RIOK3: variants seen among roughly 807,000 people sequenced by gnomAD.
RIOK3 encodes serine/threonine-protein kinase RIO3.
A neutral mutation model predicts 63.5 loss-of-function variants in RIOK3; 40 were observed. The ratio of observed to expected loss-of-function variants is 0.63; its 90% confidence interval spans 0.49 to 0.82. The LOEUF is 0.82. RIOK3 is among the 40% of genes least tolerant of loss of function. The probability of loss-of-function intolerance (pLI) is 0.00; values close to 1 mark genes in which losing one functional copy is unlikely to be tolerated. For missense variants in RIOK3, 557 were observed against 637.0 expected (o/e 0.87, Z 1.35); for synonymous variants, 193 against 205.0 (o/e 0.94, Z 0.50).
At position 23,481,033 on chromosome 18, in the gene RIOK3, T is replaced by C. The variant is rs537199026; in HGVS notation, c.1453-139T>C. ...AGGCAGAGGTTGCAGTGAGCCGAGA[T>C]TGCACCACTGCACTCCAGCCTGGAC... On this transcript the variant is annotated intron_variant, in intron 12 of 12. Transcript: ENST00000339486. The C allele has an allele frequency of 3.5e-5, 21 of 604,616 alleles. No homozygotes were observed. The East Asian group carries it at 5.7e-4, about 16-fold the overall frequency. The allele number at this position is 604,616 out of a possible 1,614,324, so 37.5% of individuals were successfully genotyped here. A position where few individuals can be genotyped will look rare whatever the true frequency, so the allele number is the denominator to read the frequency against.
At chr18:23,475,332 G>A (rs190769761) in intron 9 of RIOK3, among the ~76,000 whole-genome samples, 96 of 151,856 alleles carry the variant, frequency 6.3e-4, no homozygotes, top group Admixed American at 2.5e-3. Flanking sequence ...TTAGCTGGGC[G>A]TGTGCCTGTA....
intron 1 of RIOK3, among the ~76,000 whole-genome samples, chr18:23,457,676 T>A (rs893532469): frequency 3.3e-5 from 5 of 152,170 alleles, no homozygotes; most frequent in Non-Finnish European, 5.9e-5. Context: ...ACCAAAAAAA[T>A]TTTAAAAAAT....
At chr18:23,476,662 A>T (rs1277016824) in intron 9 of RIOK3, among the ~76,000 whole-genome samples, 1 of 152,094 alleles carries the variant, frequency 6.6e-6, no homozygotes, top group Non-Finnish European at 1.5e-5. Context: ...TAATCCCAGC[A>T]CTCTGGGAGG....
chr18:23,482,778 A>G lies in RIOK3; in HGVS notation c.*1499A>G, dbSNP rs890200440. Reference sequence around the variant, plus strand: ...AAGTAAAAATCTAGACATCATTTACATTTGAGAAAGCTGTTTTTAACATTA... The same window carrying G: ...AAGTAAAAATCTAGACATCATTTACGTTTGAGAAAGCTGTTTTTAACATTA... On this transcript the variant is annotated 3_prime_UTR_variant, in exon 13 of 13. Transcript: ENST00000339486. The G allele has an allele frequency of 2.0e-5, 3 of 152,204 alleles. No individual in the cohort carries two copies. The highest frequency in any genetic ancestry group is 7.2e-5 in the African/African-American group (3 of 41,456). The allele number at this position is 152,204 out of a possible 1,614,324, so 9.4% of individuals were successfully genotyped here. A position where few individuals can be genotyped will look rare whatever the true frequency, so the allele number is the denominator to read the frequency against.
chr18:23,473,712 AT>A, intron 8 of RIOK3, 86 bp downstream of exon 8: 1 of 992,602 alleles, frequency 1.0e-6, no homozygotes, highest in Non-Finnish European at 1.5e-6. Flanking sequence ...TTTTACATTC[AT>A]TTATAGAAAT....
chr18:23,467,014 TAA>T (rs199686879), intron 6 of RIOK3, among the ~76,000 whole-genome samples: 1 of 140,748 alleles, frequency 7.1e-6, no homozygotes. Context: ...TCTCTGTCTC[TAA>T]AAAAAAAAAA....
chr18:23,458,955 C>G (rs1401202340), intron 1 of RIOK3, among the ~76,000 whole-genome samples: 2 of 152,168 alleles, frequency 1.3e-5, no homozygotes, highest in African/African-American at 4.8e-5. Flanking sequence ...TTACCTCACC[C>G]AAGGAAGTTG....
At chr18:23,457,639 GT>G (rs1210012808) in intron 1 of RIOK3, among the ~76,000 whole-genome samples, 1 of 152,098 alleles carries the variant, frequency 6.6e-6, no homozygotes, top group African/African-American at 2.4e-5. Flanking sequence ...TTTTTTTCTA[GT>G]TTTTTAAAAG....
intron 11 of RIOK3, among the ~76,000 whole-genome samples, chr18:23,478,499 G>A (rs1355935853): frequency 6.6e-6 from 1 of 151,806 alleles, no homozygotes; most frequent in Non-Finnish European, 1.5e-5. Flanking sequence ...GGCTGAGGCA[G>A]GAGGATTGTT....
At chr18:23,462,896 A>G (rs2057380826) in intron 1 of RIOK3, 68 bp from the exon 2 acceptor site, 1 of 675,612 alleles carries the variant, frequency 1.5e-6, no homozygotes, top group South Asian at 3.0e-5. Context: ...ATATAACATT[A>G]TTTGTAAAAT....
chr18:23,454,092 A>G (rs2057322765), intron 1 of RIOK3, among the ~76,000 whole-genome samples: 1 of 152,246 alleles, frequency 6.6e-6, no homozygotes, highest in Admixed American at 6.5e-5. Flanking sequence ...TAGAGTGGCA[A>G]ACTAAAGACC....
chr18:23,479,183 C>G, intron 11 of RIOK3, 134 bp from the exon 12 acceptor site: 2 of 524,204 alleles, frequency 3.8e-6, no homozygotes, highest in African/African-American at 1.9e-5. Context: ...GTTGAAATTA[C>G]TGTGTGTGTG....
rs745400720 is a variant in RIOK3, at chr18:23,473,531, T to C, written c.918T>C (p.Ile306=). Residue 306 remains isoleucine, a synonymous_variant, in exon 8 of 13, where the codon ATT becomes ATC. Transcript: ENST00000339486. ...AATTTAAGAATCGTGACAAATATATTAAAGATGATTTCAGGTTTAAAGATC... is the reference window on the plus strand; with the variant it reads ...AATTTAAGAATCGTGACAAATATATCAAAGATGATTTCAGGTTTAAAGATC... ...LNEFKNRDKY[I]KDDFRFKDRF... is the part of the protein sequence containing the mutation. 2 of 1,613,144 alleles carry C rather than the reference T, an allele frequency of 1.2e-6. No homozygotes were observed. The highest frequency in any genetic ancestry group is 2.2e-5 in the South Asian group (2 of 91,020).
At position 23,473,543 on chromosome 18, in the gene RIOK3, C is replaced by A; in HGVS notation, c.930C>A (p.Phe310Leu). Residue 310 changes from phenylalanine (F) to leucine (L), a missense_variant, in exon 8 of 13, where the codon TTC becomes TTA. Around this residue, in one of 3 missense-constraint regions of RIOK3, gnomAD observed 309 missense variants for 338.7 expected, o/e 0.91. Transcript: ENST00000339486. ...GTGACAAATATATTAAAGATGATTT[C>A]AGGTTTAAAGATCGCTTCAGTAAAC... ...KNRDKYIKDD[F>L]RFKDRFSKLN... The A allele has an allele frequency of 6.2e-7, 1 of 1,613,444 alleles. No homozygotes were observed. Among genetic ancestry groups the A allele is most frequent in the South Asian group, 1.1e-5 (1 of 91,034 alleles).
At chr18:23,477,895 C>T (rs1358529042) in intron 11 of RIOK3, among the ~76,000 whole-genome samples, 1 of 151,366 alleles carries the variant, frequency 6.6e-6, no homozygotes, top group Non-Finnish European at 1.5e-5. Flanking sequence ...CATGGTGAAA[C>T]GCTGTCTGTA....
intron 1 of RIOK3, among the ~76,000 whole-genome samples, chr18:23,462,420 C>A (rs558492735): frequency 2.0e-5 from 3 of 152,172 alleles, no homozygotes; most frequent in Non-Finnish European, 4.4e-5. Context: ...GGATTACAGG[C>A]GCGCGCCACC....
intron 2 of RIOK3, among the ~76,000 whole-genome samples, chr18:23,463,725 A>G (rs17187071): frequency 0.043 from 6,548 of 152,210 alleles, 218 homozygotes; most frequent in South Asian, 0.17. Flanking sequence ...TTTCATTCAG[A>G]ACAAATGAAT....
rs181049286 is a variant in RIOK3, at chr18:23,477,468, A to G, written c.1344+200A>G. On this transcript the variant is annotated intron_variant, in intron 11 of 12. Transcript: ENST00000339486. ...TGATTCCATGTCTTACAGTTGGGTA[A>G]AATGTTCAAGGGGTGCCAGGTATGG... 3.1e-3 allele frequency among the ~76,000 whole-genome samples: 475 copies of G among 152,260 alleles called. 1 individual carries two copies. Among genetic ancestry groups the G allele is most frequent in the Non-Finnish European group, 4.8e-3 (326 of 68,016 alleles).
At chr18:23,479,147 G>T (rs2057514169) in intron 11 of RIOK3, 170 bp from the exon 12 acceptor site, 2 of 520,936 alleles carry the variant, frequency 3.8e-6, no homozygotes, top group Non-Finnish European at 7.0e-6. Flanking sequence ...TAAAAACTAG[G>T]TTATTCCTAA....
Sources: allele counts gnomAD v4.1 joint callset (sites outside exome capture counted in the v4.1 genomes callset), GRCh38; gene constraint gnomAD v4.1.1; regional missense constraint gnomAD v4.1.1; transcripts MANE v1.5; gene names NCBI Gene and HGNC (gene_info 2026-07-23, HGNC 2026-07-21).